Variants in HFM1 observed in about 807,000 individuals in gnomAD.
HFM1 encodes the protein probable ATP-dependent DNA helicase HFM1.
A neutral mutation model predicts 192.1 loss-of-function variants in HFM1; 169 were observed. The observed-to-expected ratio is 0.88, with a 90% CI of 0.78 to 1.00. The LOEUF (loss-of-function observed/expected upper bound fraction) is 1.00, where lower values mean the gene tolerates loss of function less well. Ranked by LOEUF, HFM1 falls within the 50% of genes least tolerant of loss-of-function variation. The probability of loss-of-function intolerance (pLI) is 0.00; values close to 1 mark genes in which losing one functional copy is unlikely to be tolerated. For synonymous variants in HFM1, 525 were observed against 537.8 expected (o/e 0.98, Z 0.33); for missense variants, 1,661 against 1,668.0 (o/e 1.00, Z 0.07).
At chr1:91,403,174 A>T (rs1002732397) in intron 1 of HFM1, among the ~76,000 whole-genome samples, 8 of 152,098 alleles carry the variant, frequency 5.3e-5, no homozygotes, top group Non-Finnish European at 1.0e-4. Context: ...TTCTCCCTTT[A>T]GAGCAAGCAG....
intron 7 of HFM1, among the ~76,000 whole-genome samples, chr1:91,380,540 G>A (rs1661433452): frequency 6.6e-6 from 1 of 152,082 alleles, no homozygotes; most frequent in Non-Finnish European, 1.5e-5. Context: ...GATCACTTGA[G>A]GTCAGGAGTT....
chr1:91,328,885 G>A (rs572141432), intron 20 of HFM1: 7 of 1,610,882 alleles, frequency 4.3e-6, no homozygotes, highest in East Asian at 4.5e-5. Context: ...CCCTGGTGAA[G>A]GCTGGCAAAG....
chr1:91,340,735 T>TA (rs1324160511), intron 20 of HFM1, among the ~76,000 whole-genome samples: 1 of 152,014 alleles, frequency 6.6e-6, no homozygotes, highest in African/African-American at 2.4e-5. Context: ...CCCATAGGCT[T>TA]AAAGGGATGG....
chr1:91,282,560 C>T (rs1328776104), intron 30 of HFM1, among the ~76,000 whole-genome samples: 2 of 152,058 alleles, frequency 1.3e-5, no homozygotes, highest in East Asian at 3.9e-4. Flanking sequence ...TCCATTTCAC[C>T]TATGAGAAAA....
chr1:91,390,861 G>A (rs1002812240), intron 4 of HFM1, among the ~76,000 whole-genome samples: 23 of 152,244 alleles, frequency 1.5e-4, no homozygotes, highest in African/African-American at 5.3e-4. Context: ...AAACCCCATT[G>A]TCCCAGCCCA....
chr1:91,372,480 C>G lies in HFM1; in HGVS notation c.1685+2878G>C, dbSNP rs376773361. Among the ~76,000 whole-genome samples, 89 of 152,172 alleles carry G rather than the reference C, an allele frequency of 5.8e-4. 4 individuals carry two copies. The South Asian group carries it at 0.017, about 29-fold the overall frequency. ...GAAACTATCATTCGCAGCAAACTATCGCAAGGACAAAAAACCAAACACCAC... is the reference window on the plus strand; with the variant it reads ...GAAACTATCATTCGCAGCAAACTATGGCAAGGACAAAAAACCAAACACCAC... On this transcript the variant is annotated intron_variant, in intron 13 of 38. Transcript: ENST00000370425.
At chr1:91,380,036 TTTC>T (rs368447631) in intron 8 of HFM1, 65 bp downstream of exon 8, 86 of 723,832 alleles carry the variant, frequency 1.2e-4, no homozygotes, top group African/African-American at 5.7e-4. Flanking sequence ...ACTGAATTTA[TTTC>T]TTCATTTTGC....
chr1:91,387,931 TAAAAA>T (rs368930286), intron 4 of HFM1, among the ~76,000 whole-genome samples: 2 of 113,024 alleles, frequency 1.8e-5, no homozygotes, highest in Non-Finnish European at 3.7e-5. Flanking sequence ...AAAAAAAAAT[TAAAAA>T]AAAAAAAAAA....
chr1:91,311,518 C>A (rs544155149), intron 30 of HFM1, among the ~76,000 whole-genome samples: 1 of 151,660 alleles, frequency 6.6e-6, no homozygotes, highest in South Asian at 2.1e-4. Flanking sequence ...CCCAGCTACT[C>A]AGGAGGCAGA....
chr1:91,329,584 C>A, intron 20 of HFM1: 1 of 1,144,094 alleles, frequency 8.7e-7, no homozygotes, highest in Non-Finnish European at 1.2e-6. Context: ...TTAAGAGCTA[C>A]AGCTAGAGAA....
At chr1:91,343,244 A>AC (rs1553208658) in intron 20 of HFM1, among the ~76,000 whole-genome samples, 186 bp downstream of exon 20, 1 of 150,832 alleles carries the variant, frequency 6.6e-6, no homozygotes, top group Admixed American at 6.6e-5. Flanking sequence ...AAAAAAAAAA[A>AC]AAAAAAAAAC....
rs1326929130 is a variant in HFM1 at position 91,378,422 on chromosome 1, C to G, written c.1217G>C (p.Arg406Pro). ...CATTACCTCATCAATGAGAAACAGTCGAACCAGCTGAACCAAAGAGTTGTC... is the reference window on the plus strand; with the variant it reads ...CATTACCTCATCAATGAGAAACAGTGGAACCAGCTGAACCAAAGAGTTGTC... The part of the protein sequence containing the change: ...WRDNSLVQLV[R>P]LFLIDEVHIV... Residue 406 changes from arginine (R) to proline (P), a missense_variant, in exon 10 of 39, where the codon CGA (arginine) becomes CCA (proline). Physicochemically the swap from Arg to Pro is moderately radical, Grantham distance 103 (BLOSUM62 -2). Transcript: ENST00000370425. 6.2e-6 allele frequency: 10 copies of G among 1,603,414 alleles called. No homozygotes were observed. Among genetic ancestry groups the G allele is most frequent in the Non-Finnish European group, 7.7e-6 (9 of 1,172,726 alleles).
chr1:91,388,064 T>C (rs1662471622), intron 4 of HFM1, among the ~76,000 whole-genome samples: 1 of 152,140 alleles, frequency 6.6e-6, no homozygotes, highest in Admixed American at 6.5e-5. Flanking sequence ...CAGAGTGTCA[T>C]GCTCAGAGAA....
chr1:91,403,149 A>G (rs1415078265), intron 1 of HFM1, among the ~76,000 whole-genome samples: 1 of 152,086 alleles, frequency 6.6e-6, no homozygotes, highest in East Asian at 1.9e-4. Flanking sequence ...GTATATGCTT[A>G]GTTGTTTATT....
intron 6 of HFM1, among the ~76,000 whole-genome samples, 177 bp downstream of exon 6, chr1:91,385,010 T>C (rs1409278423): frequency 6.6e-6 from 1 of 152,158 alleles, no homozygotes. Context: ...CCCAAAGTGC[T>C]GGAATTACAG....
intron 23 of HFM1, among the ~76,000 whole-genome samples, chr1:91,320,102 T>A (rs1386883984): frequency 6.6e-6 from 1 of 152,204 alleles, no homozygotes; most frequent in Non-Finnish European, 1.5e-5. Flanking sequence ...TGGTTCTAAC[T>A]AAAATTACTG....
At chr1:91,308,353 T>C (rs576679947) in intron 30 of HFM1, among the ~76,000 whole-genome samples, 13 of 152,312 alleles carry the variant, frequency 8.5e-5, no homozygotes, top group Middle Eastern at 3.4e-3. Flanking sequence ...TATTTGGTTA[T>C]ATTGAATCTA....
chr1:91,265,234 G>T (rs1416080945), intron 36 of HFM1, among the ~76,000 whole-genome samples: 1 of 152,168 alleles, frequency 6.6e-6, no homozygotes, highest in Non-Finnish European at 1.5e-5. Flanking sequence ...AGGGCCCTAG[G>T]ACACATCTGG....
intron 20 of HFM1, among the ~76,000 whole-genome samples, chr1:91,334,215 C>T (rs1179575938): frequency 2.0e-5 from 3 of 152,112 alleles, no homozygotes; most frequent in Non-Finnish European, 4.4e-5. Context: ...CGCTGCTCCT[C>T]CTCTTATTGG....
Sources: gnomAD v4.1 joint callset for allele counts (sites outside exome capture counted in the v4.1 genomes callset) on GRCh38, gnomAD v4.1.1 for gene constraint, MANE v1.5 for transcripts, NCBI Gene and HGNC (gene_info 2026-07-23, HGNC 2026-07-21) for gene names.